NRXN3: variants seen among roughly 807,000 people sequenced by gnomAD.
The protein encoded by NRXN3 is neurexin III.
A neutral mutation model predicts 137.6 loss-of-function variants in NRXN3; 32 were observed. That is an observed-to-expected ratio of 0.23 (90% confidence interval 0.18 to 0.31). NRXN3 has a LOEUF of 0.31. NRXN3 is among the 10% of genes least tolerant of loss of function. The pLI is 1.00. For missense variants in NRXN3, 1,574 were observed against 2,062.5 expected (o/e 0.76, Z 4.59); for synonymous variants, 798 against 784.5 (o/e 1.02, Z -0.29).
At chr14:79,699,575 C>T (rs1387932656) in intron 19 of NRXN3, among the ~76,000 whole-genome samples, 1 of 151,968 alleles carries the variant, frequency 6.6e-6, no homozygotes, top group African/African-American at 2.4e-5. Flanking sequence ...GTAGCACATA[C>T]ATAAATGGGA....
In NRXN3 at chr14:78,679,534, C is replaced by T. The variant is rs905187179; in HGVS notation, c.1221+28208C>T. On this transcript the variant is annotated intron_variant, in intron 6 of 20. Coordinates refer to ENST00000335750, the MANE Select transcript of NRXN3 (RefSeq NM_001330195.2). ...AATTAATTTCAATTTGATGAATTAACTTTAATAACATGCTAATGTATAGAA... is the reference window on the plus strand; with the variant it reads ...AATTAATTTCAATTTGATGAATTAATTTTAATAACATGCTAATGTATAGAA... Among the ~76,000 whole-genome samples the T allele has an allele frequency of 2.6e-5, 4 of 152,122 alleles. No homozygotes were observed. The East Asian group carries it at 7.7e-4, about 29-fold the overall frequency.
At chr14:78,735,427 G>A (rs1387973826) in intron 8 of NRXN3, among the ~76,000 whole-genome samples, 2 of 152,186 alleles carry the variant, frequency 1.3e-5, no homozygotes, top group Non-Finnish European at 1.5e-5. Context: ...TGACAGGACA[G>A]AGGGTCTTGC....
rs1392684313 is a variant in NRXN3 at position 79,649,999 on chromosome 14, T to G, written c.3445-13779T>G. Reference sequence around the variant, plus strand: ...AGATGGCCACCTTCTTGCTGTATCTTTACATGGAGGAGAGAGAAATCATGC... The same window carrying G: ...AGATGGCCACCTTCTTGCTGTATCTGTACATGGAGGAGAGAGAAATCATGC... On this transcript the variant is annotated intron_variant, in intron 16 of 20. Transcript: ENST00000335750. 2.6e-5 allele frequency among the ~76,000 whole-genome samples: 4 copies of G among 152,246 alleles called. No individual in the cohort carries two copies. In the East Asian group the frequency reaches 7.7e-4, roughly 29 times the overall value.
chr14:78,912,116 T>G (rs2099240456), intron 10 of NRXN3, among the ~76,000 whole-genome samples: 1 of 151,332 alleles, frequency 6.6e-6, no homozygotes, highest in Non-Finnish European at 1.5e-5. Flanking sequence ...TTCCCCTTCC[T>G]GTGTCCATGT....
chr14:79,057,656 T>A (rs532181572), intron 15 of NRXN3, among the ~76,000 whole-genome samples: 1 of 152,288 alleles, frequency 6.6e-6, no homozygotes, highest in East Asian at 1.9e-4. Context: ...TTTAGGTAAC[T>A]GAAAAATGGC....
chr14:78,216,649 A>G (rs1420445063), intron 1 of NRXN3, among the ~76,000 whole-genome samples: 2 of 152,350 alleles, frequency 1.3e-5, no homozygotes, highest in Middle Eastern at 3.4e-3. Context: ...GCATAGCTTT[A>G]TGCATTAGTT....
chr14:79,473,821 G>A (rs1051515551), intron 16 of NRXN3, among the ~76,000 whole-genome samples: 1 of 94,990 alleles, frequency 1.1e-5, no homozygotes, highest in Admixed American at 1.0e-4. Context: ...CACTTATACG[G>A]AGAGGACCTG....
chr14:79,712,068 A>G (rs572312943), intron 19 of NRXN3, among the ~76,000 whole-genome samples: 1 of 152,228 alleles, frequency 6.6e-6, no homozygotes, highest in South Asian at 2.1e-4. Context: ...GCAGCTGAAG[A>G]TAGATAGATA....
At chr14:78,843,207 A>G (rs1187582538) in intron 10 of NRXN3, among the ~76,000 whole-genome samples, 1 of 152,170 alleles carries the variant, frequency 6.6e-6, no homozygotes, top group Admixed American at 6.6e-5. Context: ...TTGGGGAACT[A>G]ATAAATGTCC....
chr14:78,622,856 G>A (rs1353073964), intron 4 of NRXN3, among the ~76,000 whole-genome samples: 1 of 152,072 alleles, frequency 6.6e-6, no homozygotes, highest in Non-Finnish European at 1.5e-5. Context: ...AAGTTGTTGT[G>A]GTTTTGTATT....
At chr14:78,717,362 A>AT (rs574389829) in intron 8 of NRXN3, among the ~76,000 whole-genome samples, 181 of 152,340 alleles carry the variant, frequency 1.2e-3, no homozygotes, top group African/African-American at 4.1e-3. Context: ...AGGGACAATT[A>AT]TTCTTGGTGC....
chr14:78,275,522 C>A (rs935584185), intron 2 of NRXN3, among the ~76,000 whole-genome samples: 4 of 152,096 alleles, frequency 2.6e-5, no homozygotes, highest in African/African-American at 7.2e-5. Flanking sequence ...CTTCTATGCT[C>A]CCCATATTTT....
intron 4 of NRXN3, among the ~76,000 whole-genome samples, chr14:78,502,776 T>G (rs531596443): frequency 9.2e-5 from 14 of 152,296 alleles, no homozygotes; most frequent in African/African-American, 2.9e-4. Flanking sequence ...TTTGATATGC[T>G]GTTGGAAATT....
chr14:79,630,403 C>T (rs558459811), intron 16 of NRXN3, among the ~76,000 whole-genome samples: 20 of 152,314 alleles, frequency 1.3e-4, no homozygotes, highest in African/African-American at 4.6e-4. Context: ...AGAAAACATT[C>T]CTTCAAGAGG....
chr14:79,772,757 C>A (rs371241742), intron 19 of NRXN3, among the ~76,000 whole-genome samples: 21,176 of 151,416 alleles, frequency 0.14, 1,600 homozygotes, highest in Middle Eastern at 0.22. Flanking sequence ...CAATGGCAAC[C>A]AAAGCCAAAA....
chr14:78,641,519 C>T (rs1026984904), intron 4 of NRXN3, among the ~76,000 whole-genome samples: 19 of 152,102 alleles, frequency 1.2e-4, no homozygotes, highest in African/African-American at 3.6e-4. Flanking sequence ...TGCCTCTTAC[C>T]CCATAACATG....
intron 4 of NRXN3, among the ~76,000 whole-genome samples, chr14:78,364,591 T>A (rs2085624683): frequency 6.6e-6 from 1 of 152,208 alleles, no homozygotes; most frequent in Admixed American, 6.5e-5. Flanking sequence ...GATACATGTG[T>A]CATACGTATC....
chr14:78,233,609 C>T (rs2065762701), intron 1 of NRXN3, among the ~76,000 whole-genome samples: 1 of 150,240 alleles, frequency 6.7e-6, no homozygotes, highest in Admixed American at 6.7e-5. Context: ...CTCTGTAGAA[C>T]TTCCGTTCAC....
chr14:78,359,573 CA>C (rs111977905), intron 4 of NRXN3, among the ~76,000 whole-genome samples: 78 of 152,268 alleles, frequency 5.1e-4, no homozygotes, highest in African/African-American at 1.8e-3. Flanking sequence ...ACAACATCCC[CA>C]TATAAGAAAC....
Sources: allele counts gnomAD v4.1 joint callset (sites outside exome capture counted in the v4.1 genomes callset), GRCh38; gene constraint gnomAD v4.1.1; transcripts MANE v1.5; gene names NCBI Gene and HGNC (gene_info 2026-07-23, HGNC 2026-07-21).